Variants in CWC27 observed in about 807,000 individuals in gnomAD.
CWC27 encodes CWC27 spliceosome associated cyclophilin.
CWC27 carries 47 observed loss-of-function variants against 63.6 expected under a neutral mutation model. The observed-to-expected ratio is 0.74, with a 90% CI of 0.58 to 0.94. The LOEUF (loss-of-function observed/expected upper bound fraction) is 0.94. Among genes scored for constraint, CWC27 ranks in the 40% least tolerant of loss-of-function variants. The pLI is 0.00. For synonymous variants in CWC27, 175 were observed against 179.8 expected (o/e 0.97, Z 0.22); for missense variants, 495 against 554.3 (o/e 0.89, Z 1.07).
chr5:64,787,909 G>A (rs1743941353), intron 6 of CWC27, among the ~76,000 whole-genome samples: 1 of 152,100 alleles, frequency 6.6e-6, no homozygotes, highest in African/African-American at 2.4e-5. Context: ...TTCAACTCCT[G>A]GTTGTTATGA....
rs1281004861 is a variant in CWC27 at position 64,807,538 on chromosome 5, AG to A, written c.938+3154del. ...ACCCTTATATCTATTCTGACTTCCT[AG>A]GATTTCTAATCCCTTGTCTCTTCCC... On this transcript the variant is annotated intron_variant, in intron 10 of 13. Transcript: ENST00000381070. 2.1e-6 allele frequency: 3 copies of A among 1,459,790 alleles called. No individual in the cohort carries two copies. In the African/African-American group the frequency reaches 4.3e-5, roughly 21 times the overall value. The allele number at this position is 1,459,790 out of a possible 1,614,324, so 90.4% of individuals were successfully genotyped here.
At chr5:64,769,924 G>T (rs1298045140) in intron 1 of CWC27, among the ~76,000 whole-genome samples, 1 of 152,184 alleles carries the variant, frequency 6.6e-6, no homozygotes, top group African/African-American at 2.4e-5. Context: ...ATGTTTGTAT[G>T]CTGTACAAGG....
chr5:64,810,308 C>T (rs1216707287), intron 10 of CWC27, among the ~76,000 whole-genome samples: 1 of 152,076 alleles, frequency 6.6e-6, no homozygotes, highest in African/African-American at 2.4e-5. Context: ...CTTTATAATA[C>T]ATTTTAAAAT....
intron 10 of CWC27, among the ~76,000 whole-genome samples, chr5:64,874,001 T>C (rs1221660422): frequency 6.6e-6 from 1 of 151,972 alleles, no homozygotes; most frequent in Non-Finnish European, 1.5e-5. Flanking sequence ...ATAATTCACA[T>C]GTTTTGTCAA....
At chr5:64,875,195 G>T (rs1239655533) in intron 10 of CWC27, among the ~76,000 whole-genome samples, 2 of 151,972 alleles carry the variant, frequency 1.3e-5, no homozygotes, top group Non-Finnish European at 2.9e-5. Flanking sequence ...ACAAAGATTA[G>T]GGGTCATCTA....
chr5:64,795,677 T>G (rs1744240768), intron 7 of CWC27, among the ~76,000 whole-genome samples: 1 of 152,166 alleles, frequency 6.6e-6, no homozygotes, highest in Non-Finnish European at 1.5e-5. Flanking sequence ...TAAGGACTCT[T>G]GTAATTACAT....
intron 13 of CWC27, among the ~76,000 whole-genome samples, chr5:65,004,885 TATATATATATATATATATATACATAC>T (rs1282589999): frequency 1.4e-5 from 1 of 70,748 alleles, no homozygotes. Context: ...TATATATATA[TATATATATATATATATATATACATAC>T]ACACACACAC....
At chr5:64,818,403 AGTTTT>A (rs2112241350) in intron 10 of CWC27, among the ~76,000 whole-genome samples, 1 of 152,286 alleles carries the variant, frequency 6.6e-6, no homozygotes, top group South Asian at 2.1e-4. Flanking sequence ...CGTTTACTTT[AGTTTT>A]ATTAGTCATT....
chr5:64,815,421 G>A (rs1361602028), intron 10 of CWC27, among the ~76,000 whole-genome samples: 2 of 152,166 alleles, frequency 1.3e-5, no homozygotes, highest in East Asian at 3.9e-4. Context: ...CGTCTGCTTC[G>A]AATTGGCATA....
intron 10 of CWC27, among the ~76,000 whole-genome samples, chr5:64,827,777 C>G (rs1433601): frequency 0.34 from 50,968 of 151,940 alleles, 8,880 homozygotes; most frequent in East Asian, 0.51. Flanking sequence ...GTTTTGCTTT[C>G]CATAGTTTTG....
intron 10 of CWC27, among the ~76,000 whole-genome samples, chr5:64,863,449 A>T (rs1746459426): frequency 6.9e-6 from 1 of 144,186 alleles, no homozygotes; most frequent in African/African-American, 2.6e-5. Flanking sequence ...TCTCCCCTAC[A>T]CCCTCCCTTT....
At chr5:64,973,694 G>T (rs1454473965) in intron 12 of CWC27, among the ~76,000 whole-genome samples, 1 of 152,130 alleles carries the variant, frequency 6.6e-6, no homozygotes, top group Non-Finnish European at 1.5e-5. Context: ...TATAGAAGAA[G>T]CTAAAAATAG....
At chr5:64,865,260 AAAGACTGTG>A (rs1746506526) in intron 10 of CWC27, among the ~76,000 whole-genome samples, 1 of 152,118 alleles carries the variant, frequency 6.6e-6, no homozygotes, top group Non-Finnish European at 1.5e-5. Flanking sequence ...ATAACCTCAG[AAAGACTGTG>A]ATTTCATCAA....
intron 10 of CWC27, among the ~76,000 whole-genome samples, chr5:64,872,812 T>G (rs1042417690): frequency 2.0e-5 from 3 of 152,182 alleles, no homozygotes; most frequent in African/African-American, 7.2e-5. Context: ...TGATTTTTAT[T>G]CTGTGTGCTA....
At chr5:64,946,879 T>C (rs894545071) in intron 11 of CWC27, among the ~76,000 whole-genome samples, 3 of 152,128 alleles carry the variant, frequency 2.0e-5, no homozygotes, top group Non-Finnish European at 4.4e-5. Context: ...GTTCTTCTAA[T>C]GGTTAATCTG....
chr5:64,908,791 T>C (rs1315563748), intron 11 of CWC27, among the ~76,000 whole-genome samples: 1 of 152,250 alleles, frequency 6.6e-6, no homozygotes, highest in Non-Finnish European at 1.5e-5. Context: ...GCACGTGAGA[T>C]GGGTCTCCTA....
intron 11 of CWC27, among the ~76,000 whole-genome samples, chr5:64,955,509 A>G (rs1162433885): frequency 1.3e-5 from 2 of 152,156 alleles, no homozygotes; most frequent in African/African-American, 2.4e-5. Flanking sequence ...CTAGCCTACA[A>G]TTCACAGCAT....
intron 5 of CWC27, 95 bp from the exon 6 acceptor site, chr5:64,786,429 A>G: frequency 1.1e-5 from 7 of 659,534 alleles, no homozygotes; most frequent in Non-Finnish European, 1.7e-5. Context: ...GTGGGGAAAA[A>G]TATAGACACT....
chr5:64,845,794 A>G (rs1745961958), intron 10 of CWC27, among the ~76,000 whole-genome samples: 1 of 152,206 alleles, frequency 6.6e-6, no homozygotes, highest in Admixed American at 6.5e-5. Context: ...GAAGAAAGAG[A>G]AAAAGGGTCA....
Sources: gnomAD v4.1 joint callset for allele counts (sites outside exome capture counted in the v4.1 genomes callset) on GRCh38, gnomAD v4.1.1 for gene constraint, MANE v1.5 for transcripts, NCBI Gene and HGNC (gene_info 2026-07-23, HGNC 2026-07-21) for gene names.